IL1RAPL2: variants seen among roughly 807,000 people sequenced by gnomAD.
IL1RAPL2 encodes interleukin 1 receptor accessory protein like 2.
Under a neutral mutation model 44.1 loss-of-function variants are expected in IL1RAPL2, and 3 were observed. That is an observed-to-expected ratio of 0.07 (90% CI 0.03 to 0.18). The LOEUF (loss-of-function observed/expected upper bound fraction) is 0.18, where lower values mean the gene tolerates loss of function less well. Ranked by LOEUF, IL1RAPL2 falls within the 10% of genes least tolerant of loss-of-function variation. The pLI is 1.00. For missense variants in IL1RAPL2, 391 were observed against 496.4 expected (o/e 0.79, Z 2.02); for synonymous variants, 181 against 178.8 (o/e 1.01, Z -0.10).
At chrX:104,717,423 A>G (rs907618539) in intron 2 of IL1RAPL2, among the ~76,000 whole-genome samples, 1 of 105,081 alleles carries the variant, frequency 9.5e-6, no homozygotes, top group African/African-American at 3.6e-5. Context: ...AAACCTGCAC[A>G]TGTACCCCTG....
intron 3 of IL1RAPL2, among the ~76,000 whole-genome samples, chrX:105,229,997 T>C (rs1041852145): frequency 1.9e-4 from 21 of 111,384 alleles, no homozygotes; most frequent in African/African-American, 6.8e-4. Flanking sequence ...CGGGGTTTCA[T>C]TGTGTCAGGC....
At chrX:105,576,208 G>A (rs751510490) in intron 6 of IL1RAPL2, among the ~76,000 whole-genome samples, 64 of 110,890 alleles carry the variant, frequency 5.8e-4, no homozygotes, top group African/African-American at 1.5e-3. Flanking sequence ...TGATTTTGGC[G>A]CCTTCCTCAT....
intron 2 of IL1RAPL2, among the ~76,000 whole-genome samples, chrX:104,746,675 A>G (rs947841390): frequency 4.5e-5 from 5 of 110,888 alleles, no homozygotes; most frequent in African/African-American, 1.6e-4. Context: ...ATCTTCATTC[A>G]TAGCAGGACT....
intron 2 of IL1RAPL2, among the ~76,000 whole-genome samples, chrX:104,945,711 C>T (rs1925327022): frequency 8.9e-6 from 1 of 111,939 alleles, no homozygotes; most frequent in Non-Finnish European, 1.9e-5. Flanking sequence ...TTTGTTAATG[C>T]TCAGCAAGAC....
At chrX:104,647,947 A>T in intron 1 of IL1RAPL2, 1 of 788,053 alleles carries the variant, frequency 1.3e-6, no homozygotes, top group Non-Finnish European at 1.9e-6. Flanking sequence ...TGCTTCCTAC[A>T]ACAGCTAAGG....
At chrX:104,705,853 G>A (rs1931356196) in intron 2 of IL1RAPL2, among the ~76,000 whole-genome samples, 1 of 111,290 alleles carries the variant, frequency 9.0e-6, no homozygotes, top group Non-Finnish European at 1.9e-5. Context: ...GAGTCACTAG[G>A]ATTAATAGTT....
intron 3 of IL1RAPL2, chrX:105,220,549 C>T: frequency 1.9e-6 from 1 of 513,956 alleles, no homozygotes; most frequent in Non-Finnish European, 3.0e-6. Flanking sequence ...CTAATGACCC[C>T]CTGACCGGCT....
chrX:104,937,043 C>G (rs1422054614), intron 2 of IL1RAPL2, among the ~76,000 whole-genome samples: 3 of 112,034 alleles, frequency 2.7e-5, no homozygotes, highest in African/African-American at 9.7e-5. Flanking sequence ...TCTCCATCTC[C>G]ACACAGGGCT....
intron 4 of IL1RAPL2, among the ~76,000 whole-genome samples, chrX:105,264,523 AAGACTTCTG>A (rs2034386335): frequency 9.0e-6 from 1 of 111,224 alleles, no homozygotes; most frequent in African/African-American, 3.3e-5. Context: ...AAGAGCCTGG[AAGACTTCTG>A]AGAGTCTATA....
chrX:105,602,234 A>C (rs1442871770), intron 6 of IL1RAPL2, among the ~76,000 whole-genome samples: 1 of 109,860 alleles, frequency 9.1e-6, no homozygotes, highest in African/African-American at 3.3e-5. Context: ...AGCAGCAGAG[A>C]CACTGCACCT....
At chrX:105,333,258 A>G (rs967633594) in intron 5 of IL1RAPL2, among the ~76,000 whole-genome samples, 1 of 111,642 alleles carries the variant, frequency 9.0e-6, no homozygotes, top group Non-Finnish European at 1.9e-5. Flanking sequence ...AAGAACATAG[A>G]CTGGGGAAAG....
chrX:105,108,439 T>C (rs1352247513), intron 2 of IL1RAPL2, among the ~76,000 whole-genome samples: 1 of 109,619 alleles, frequency 9.1e-6, no homozygotes, highest in Non-Finnish European at 1.9e-5. Context: ...CAGGTGATCC[T>C]CCTGTCTCAG....
chrX:104,749,951 G>A (rs1932230821), intron 2 of IL1RAPL2, among the ~76,000 whole-genome samples: 1 of 111,988 alleles, frequency 8.9e-6, no homozygotes. Flanking sequence ...GGAAAGTTTA[G>A]TGTTAGCCTG....
At chrX:104,737,782 G>T (rs894835886) in intron 2 of IL1RAPL2, among the ~76,000 whole-genome samples, 9 of 111,540 alleles carry the variant, frequency 8.1e-5, no homozygotes, top group Non-Finnish European at 1.5e-4. Flanking sequence ...GAATCTTTTG[G>T]CTTTGCTCTT....
chrX:104,903,958 A>C (rs1292494838), intron 2 of IL1RAPL2, among the ~76,000 whole-genome samples: 3 of 111,814 alleles, frequency 2.7e-5, no homozygotes, highest in Non-Finnish European at 5.6e-5. Flanking sequence ...TACAACTAGC[A>C]AATGTCAAAG....
intron 2 of IL1RAPL2, among the ~76,000 whole-genome samples, chrX:105,045,923 A>T (rs956199045): frequency 9.0e-6 from 1 of 111,299 alleles, no homozygotes; most frequent in Non-Finnish European, 1.9e-5. Flanking sequence ...ATCTTAAAAA[A>T]TTATTAAATT....
rs914101533 is a variant in IL1RAPL2 at position 105,767,609 on chromosome X, C to A, written c.2009C>A (p.Ser670Tyr). The change falls in exon 11 of 11, where the codon TCT (serine) becomes TAT (tyrosine). Residue 670 changes from serine to tyrosine, a missense_variant. Ser to Tyr is a moderately radical substitution (Grantham distance 144). Around this residue, in one of 2 missense-constraint regions of IL1RAPL2, gnomAD observed 232 missense variants for 244.8 expected, o/e 0.95. Coordinates refer to ENST00000372582, the MANE Select transcript of IL1RAPL2 (RefSeq NM_017416.2). ...ACCCAGGAATTTCACAGGAACAGTT[C>A]TTTGCTGCCTTTATCCTCCAAAGAG... ...KDTQEFHRNSSLLPLSSKELS... is the reference protein window; with the variant it reads ...KDTQEFHRNSYLLPLSSKELS... 1.7e-6 allele frequency: 2 copies of A among 1,210,487 alleles called. No homozygotes were observed. Among genetic ancestry groups the A allele is most frequent in the Non-Finnish European group, 2.2e-6 (2 of 894,541 alleles).
intron 2 of IL1RAPL2, among the ~76,000 whole-genome samples, chrX:105,147,972 C>G (rs1159441631): frequency 9.0e-6 from 1 of 111,195 alleles, no homozygotes; most frequent in Non-Finnish European, 1.9e-5. Context: ...GCCATTCCCA[C>G]CTTGTAAATC....
chrX:104,572,476 C>T, intron 1 of IL1RAPL2, among the ~76,000 whole-genome samples: 1 of 112,247 alleles, frequency 8.9e-6, no homozygotes, highest in Admixed American at 9.4e-5. Flanking sequence ...ATTTTTCCTC[C>T]CAATTTCCAT....
Sources: allele counts gnomAD v4.1 joint callset (sites outside exome capture counted in the v4.1 genomes callset), GRCh38; gene constraint gnomAD v4.1.1; regional missense constraint gnomAD v4.1.1; transcripts MANE v1.5; gene names NCBI Gene and HGNC (gene_info 2026-07-23, HGNC 2026-07-21).